Variants in RAP1A observed in about 807,000 individuals in gnomAD.
The protein encoded by RAP1A is ras-related protein Rap-1A.
In RAP1A, 6 loss-of-function variants were observed where a neutral mutation model predicts 26.4. The ratio of observed to expected loss-of-function variants is 0.23; its 90% CI spans 0.12 to 0.45. The LOEUF (loss-of-function observed/expected upper bound fraction) is 0.45. Ranked by LOEUF, RAP1A falls within the 20% of genes least tolerant of loss-of-function variation. The probability of loss-of-function intolerance (pLI) is 0.99; values close to 1 mark genes in which losing one functional copy is unlikely to be tolerated. For synonymous variants in RAP1A, 73 were observed against 79.4 expected (o/e 0.92, Z 0.43); for missense variants, 121 against 217.2 (o/e 0.56, Z 2.78).
intron 1 of RAP1A, among the ~76,000 whole-genome samples, chr1:111,640,623 A>G (rs886915198): frequency 2.0e-5 from 3 of 152,224 alleles, no homozygotes; most frequent in Non-Finnish European, 2.9e-5. Flanking sequence ...ATAATAAAGT[A>G]ATCCTTGAAC....
intron 1 of RAP1A, among the ~76,000 whole-genome samples, chr1:111,629,535 A>G (rs1659505941): frequency 6.6e-6 from 1 of 152,178 alleles, no homozygotes; most frequent in Non-Finnish European, 1.5e-5. Context: ...AGGTGTTTGC[A>G]TTTTTTAAAA....
chr1:111,594,294 G>C, intron 1 of RAP1A, among the ~76,000 whole-genome samples: 1 of 152,146 alleles, frequency 6.6e-6, no homozygotes, highest in Non-Finnish European at 1.5e-5. Context: ...GCAACATAGT[G>C]AGACAGCATA....
chr1:111,708,787 A>G (rs995556816), intron 6 of RAP1A, among the ~76,000 whole-genome samples: 3 of 152,134 alleles, frequency 2.0e-5, no homozygotes, highest in African/African-American at 7.2e-5. Context: ...GTGTGTATGT[A>G]TGTGTAGTAA....
chr1:111,612,775 T>A (rs1487625689), intron 1 of RAP1A, among the ~76,000 whole-genome samples: 1 of 152,226 alleles, frequency 6.6e-6, no homozygotes, highest in Non-Finnish European at 1.5e-5. Context: ...AGTCAAGATC[T>A]TTTAAATATT....
chr1:111,653,128 G>A (rs1225845043), intron 1 of RAP1A, among the ~76,000 whole-genome samples: 1 of 152,186 alleles, frequency 6.6e-6, no homozygotes, highest in Non-Finnish European at 1.5e-5. Context: ...AACCTTGGAA[G>A]CATGCTAAGC....
At chr1:111,622,462 C>G (rs1659245666) in intron 1 of RAP1A, among the ~76,000 whole-genome samples, 1 of 152,140 alleles carries the variant, frequency 6.6e-6, no homozygotes, top group African/African-American at 2.4e-5. Context: ...AACCTTTTTC[C>G]CCAAGGCAGT....
chr1:111,616,490 T>G (rs1659016823), upstream of RAP1A, among the ~76,000 whole-genome samples: 1 of 152,128 alleles, frequency 6.6e-6, no homozygotes. Flanking sequence ...TACTCACCCT[T>G]CCCCATGCTC....
intron 1 of RAP1A, among the ~76,000 whole-genome samples, chr1:111,608,917 C>A (rs541947511): frequency 6.6e-6 from 1 of 152,354 alleles, no homozygotes; most frequent in Admixed American, 6.5e-5. Flanking sequence ...ATTTTCATAT[C>A]AATGTCTCAC....
chr1:111,664,113 C>T (rs755551537), intron 1 of RAP1A, among the ~76,000 whole-genome samples: 7 of 150,678 alleles, frequency 4.6e-5, no homozygotes, highest in Non-Finnish European at 8.8e-5. Flanking sequence ...GTGGCTCACG[C>T]CTGTAATCCC....
chr1:111,578,515 A>G (rs1343280335), intron 1 of RAP1A, among the ~76,000 whole-genome samples: 2 of 149,842 alleles, frequency 1.3e-5, no homozygotes, highest in Admixed American at 1.3e-4. Context: ...ACAAAAAAAA[A>G]TTACATATGA....
At chr1:111,672,689 A>G (rs779203027) in intron 1 of RAP1A, among the ~76,000 whole-genome samples, 1 of 152,188 alleles carries the variant, frequency 6.6e-6, no homozygotes, top group Non-Finnish European at 1.5e-5. Flanking sequence ...CTAGCTTAAG[A>G]ATTCAGACAG....
At chr1:111,559,883 C>T (rs928036039) in intron 1 of RAP1A, among the ~76,000 whole-genome samples, 2 of 152,142 alleles carry the variant, frequency 1.3e-5, no homozygotes, top group African/African-American at 2.4e-5. Context: ...ATTACTAAGT[C>T]TACTCTCATG....
chr1:111,710,834 CTTTTTTTCTT>C (rs1034837425), intron 7 of RAP1A, among the ~76,000 whole-genome samples: 3 of 150,740 alleles, frequency 2.0e-5, no homozygotes, highest in African/African-American at 7.4e-5. Flanking sequence ...AATTCAATAA[CTTTTTTTCTT>C]TTTTTTGAGA....
chr1:111,619,574 C>T (rs1571501148), upstream of RAP1A, among the ~76,000 whole-genome samples: 1 of 152,240 alleles, frequency 6.6e-6, no homozygotes, highest in African/African-American at 2.4e-5. Flanking sequence ...TCTTACCCAC[C>T]TCCCATCCCG....
chr1:111,602,526 G>T (rs1046064276), intron 1 of RAP1A, among the ~76,000 whole-genome samples: 1 of 152,010 alleles, frequency 6.6e-6, no homozygotes, highest in Non-Finnish European at 1.5e-5. Context: ...TACTCTGTGG[G>T]GTGGGACATT....
chr1:111,648,332 C>T, intron 1 of RAP1A: 2 of 805,334 alleles, frequency 2.5e-6, no homozygotes, highest in Non-Finnish European at 4.0e-6. Context: ...TACCACTTTG[C>T]CATCCACTAT....
chr1:111,684,845 A>G (rs1335314955), intron 1 of RAP1A, among the ~76,000 whole-genome samples: 6 of 152,202 alleles, frequency 3.9e-5, no homozygotes, highest in African/African-American at 7.2e-5. Flanking sequence ...AGCAAAAAGA[A>G]CAAAGCTGGA....
At chr1:111,706,346 T>G (rs1662190293) in intron 6 of RAP1A, among the ~76,000 whole-genome samples, 2 of 152,168 alleles carry the variant, frequency 1.3e-5, no homozygotes, top group South Asian at 2.1e-4. Flanking sequence ...TTTGTGAGTT[T>G]TGAATGCCTG....
At chr1:111,685,026 A>G (rs368019426) in intron 1 of RAP1A, among the ~76,000 whole-genome samples, 2 of 152,204 alleles carry the variant, frequency 1.3e-5, no homozygotes, top group African/African-American at 2.4e-5. Context: ...AAAACAAGCA[A>G]TGGGGAAAGG....
Sources: gnomAD v4.1 joint callset for allele counts (sites outside exome capture counted in the v4.1 genomes callset) on GRCh38, gnomAD v4.1.1 for gene constraint, MANE v1.5 for transcripts, NCBI Gene and HGNC (gene_info 2026-07-23, HGNC 2026-07-21) for gene names.